MARCHF8: variants seen among roughly 807,000 people sequenced by gnomAD.
MARCHF8 encodes E3 ubiquitin-protein ligase MARCHF8.
A neutral mutation model predicts 51.6 loss-of-function variants in MARCHF8; 40 were observed. The ratio of observed to expected loss-of-function variants is 0.77; its 90% CI spans 0.60 to 1.01. The LOEUF (loss-of-function observed/expected upper bound fraction) is 1.01, where lower values mean the gene tolerates loss of function less well. Among genes scored for constraint, MARCHF8 ranks in the 50% least tolerant of loss-of-function variants. MARCHF8 has a pLI of 0.00. For missense variants in MARCHF8, 685 were observed against 708.6 expected (o/e 0.97, Z 0.38); for synonymous variants, 263 against 280.3 (o/e 0.94, Z 0.62).
chr10:45,476,389 C>A (rs1047794670), intron 3 of MARCHF8, among the ~76,000 whole-genome samples: 8 of 152,038 alleles, frequency 5.3e-5, no homozygotes, highest in Non-Finnish European at 1.0e-4. Context: ...CATAGTGAGA[C>A]CTCGTCTCTA....
chr10:45,522,789 G>A (rs1458081134), intron 2 of MARCHF8, among the ~76,000 whole-genome samples: 4 of 152,018 alleles, frequency 2.6e-5, no homozygotes, highest in East Asian at 1.9e-4. Flanking sequence ...ACACAAATTC[G>A]GCATTAGGAT....
intron 1 of MARCHF8, among the ~76,000 whole-genome samples, chr10:45,588,708 T>A (rs1040008393): frequency 1.1e-4 from 16 of 151,906 alleles, no homozygotes; most frequent in African/African-American, 3.4e-4. Flanking sequence ...AATAAAAGAA[T>A]CCATTATAGG....
At chr10:45,516,173 T>C (rs2043614426) in intron 2 of MARCHF8, among the ~76,000 whole-genome samples, 1 of 152,214 alleles carries the variant, frequency 6.6e-6, no homozygotes, top group South Asian at 2.1e-4. Flanking sequence ...ATGTTCTCTT[T>C]TGCCCTGCGT....
chr10:45,522,284 G>A (rs1455580016), intron 2 of MARCHF8, among the ~76,000 whole-genome samples: 2 of 152,184 alleles, frequency 1.3e-5, no homozygotes, highest in Non-Finnish European at 2.9e-5. Flanking sequence ...GGGCCACTGA[G>A]GCCTGAAGGA....
intron 1 of MARCHF8, among the ~76,000 whole-genome samples, chr10:45,562,931 T>C (rs763066731): frequency 1.1e-4 from 17 of 151,928 alleles, no homozygotes; most frequent in Non-Finnish European, 2.1e-4. Context: ...ACTGTGCAGG[T>C]TGACTTATAT....
rs78489328 is a variant in MARCHF8, at chr10:45,566,223, T to C, written c.-79+28012A>G. 3.1e-3 allele frequency among the ~76,000 whole-genome samples: 472 copies of C among 152,318 alleles called. 3 individuals carry two copies. Among genetic ancestry groups the C allele is most frequent in the Non-Finnish European group, 5.4e-3 (366 of 68,026 alleles). ...ATACAGGTAAGCAATGTGAAGTAAG[T>C]ACATCATGAAGAATAGGGTATCCAT... is the stretch of plus-strand genomic sequence containing the variant. On this transcript the variant is annotated intron_variant, in intron 1 of 6. Transcript: ENST00000319836.
rs76112318 is a variant in MARCHF8 at position 45,533,511 on chromosome 10, C to T, written c.-78-222G>A. 9.0e-3 allele frequency among the ~76,000 whole-genome samples: 1,374 copies of T among 152,196 alleles called. 18 individuals carry two copies. Among genetic ancestry groups the T allele is most frequent in the Non-Finnish European group, 0.011 (754 of 68,020 alleles). Reference sequence around the variant, plus strand: ...GCACCTGAAAGAGGCAGGTGGATCACGTACATGTATAATCAGAGATATAAT... The same window carrying T: ...GCACCTGAAAGAGGCAGGTGGATCATGTACATGTATAATCAGAGATATAAT... On this transcript the variant is annotated intron_variant, in intron 1 of 7. Transcript: ENST00000453424.
At position 45,568,896 on chromosome 10, in the gene MARCHF8, GTC is replaced by G. The variant is rs1409179423; in HGVS notation, c.-79+25337_-79+25338del. On this transcript the variant is annotated intron_variant, in intron 1 of 6. Transcript: ENST00000319836. ...ATCTTGGCTAACACGGTAAAACCCT[GTC>G]TCTACTAAAAATACAAAAAAGCCGG... Among the ~76,000 whole-genome samples, 4 of 151,100 alleles carry G rather than the reference GTC, an allele frequency of 2.6e-5. No homozygotes were observed. The East Asian group carries it at 7.8e-4, about 30-fold the overall frequency.
chr10:45,463,718 T>A lies in MARCHF8; in HGVS notation c.521A>T (p.Tyr174Phe). The change falls in exon 5 of 8, where the codon TAT becomes TTT. Residue 174 changes from tyrosine to phenylalanine, a missense_variant. Coordinates refer to ENST00000453424, the MANE Select transcript of MARCHF8 (RefSeq NM_001282866.2). ...CCCTTCAGAACAAGTTCTTTCCACA[T>A]AGGCAAAACTTTCTGAAGTATCCTG... The part of the protein sequence containing the change: ...KAQDTSESFA[Y>F]VERTCSEGKL... 6.4e-7 allele frequency: 1 copy of A among 1,551,146 alleles called. No homozygotes were observed. The highest frequency in any genetic ancestry group is 2.0e-5 in the Admixed American group (1 of 51,016).
At chr10:45,464,454 C>T in intron 3 of MARCHF8, 127 bp from the exon 4 acceptor site, 1 of 734,786 alleles carries the variant, frequency 1.4e-6, no homozygotes, top group Non-Finnish European at 2.4e-6. Context: ...ACGAGTAACA[C>T]ATATTAGATC....
upstream of MARCHF8, among the ~76,000 whole-genome samples, chr10:45,537,806 T>G (rs2043994915): frequency 1.3e-5 from 2 of 152,052 alleles, no homozygotes; most frequent in African/African-American, 4.8e-5. Context: ...GGGGTAGGAA[T>G]GGGTAAACGG....
intron 5 of MARCHF8, among the ~76,000 whole-genome samples, chr10:45,462,785 C>T (rs897432789): frequency 9.9e-5 from 15 of 152,116 alleles, no homozygotes; most frequent in African/African-American, 3.1e-4. Context: ...GCCACCACGC[C>T]CGGCTAATTT....
At chr10:45,512,696 G>A (rs2043548348) in intron 2 of MARCHF8, among the ~76,000 whole-genome samples, 1 of 152,068 alleles carries the variant, frequency 6.6e-6, no homozygotes, top group Non-Finnish European at 1.5e-5. Context: ...GAGCCCCTCT[G>A]CCCGGCCACC....
At chr10:45,541,337 A>T (rs916072809) in intron 1 of MARCHF8, among the ~76,000 whole-genome samples, 1 of 151,838 alleles carries the variant, frequency 6.6e-6, no homozygotes, top group African/African-American at 2.4e-5. Flanking sequence ...ACCAAACACC[A>T]CATGTTCTCA....
intron 1 of MARCHF8, among the ~76,000 whole-genome samples, chr10:45,576,849 C>A (rs560694113): frequency 1.7e-4 from 25 of 150,850 alleles, no homozygotes; most frequent in Non-Finnish European, 3.4e-4. Flanking sequence ...CCCAGCTACG[C>A]ACGAAGCTAA....
intron 3 of MARCHF8, among the ~76,000 whole-genome samples, chr10:45,483,928 A>C (rs892122321): frequency 5.3e-5 from 8 of 152,206 alleles, no homozygotes. Context: ...GGGGATAAAG[A>C]GAGATTGGTT....
chr10:45,498,113 T>G lies in MARCHF8; in HGVS notation c.103-8696A>C, dbSNP rs527702565. Among the ~76,000 whole-genome samples the G allele has an allele frequency of 2.6e-5, 4 of 152,314 alleles. No homozygotes were observed. The South Asian group carries it at 8.3e-4, about 32-fold the overall frequency. On this transcript the variant is annotated intron_variant, in intron 2 of 7. Coordinates refer to ENST00000453424, the MANE Select transcript of MARCHF8 (RefSeq NM_001282866.2). ...ATTCTATCTGCTTTCACCATTTCTT[T>G]TTAACATTTTAATTGTGGCAAAATA...
chr10:45,563,360 A>C (rs1036901228), intron 1 of MARCHF8, among the ~76,000 whole-genome samples: 1 of 152,244 alleles, frequency 6.6e-6, no homozygotes, highest in Admixed American at 6.5e-5. Context: ...CTGCTGGGTC[A>C]ACAGCATGAT....
rs2044509531 is a variant in MARCHF8, at chr10:45,578,030, T to C, written c.-79+16205A>G. On this transcript the variant is annotated intron_variant, in intron 1 of 6. Coordinates refer to the MARCHF8 transcript ENST00000319836. ...GAGTGAGACCCTGTCTCTAAAAAAATTGTTTAATAAAAAATTAAAATATGG... is the reference window on the plus strand; with the variant it reads ...GAGTGAGACCCTGTCTCTAAAAAAACTGTTTAATAAAAAATTAAAATATGG... Among the ~76,000 whole-genome samples, 3 of 152,230 alleles carry C rather than the reference T, an allele frequency of 2.0e-5. No homozygotes were observed. The South Asian group carries it at 6.2e-4, about 32-fold the overall frequency.
Sources: gnomAD v4.1 joint callset for allele counts (sites outside exome capture counted in the v4.1 genomes callset) on GRCh38, gnomAD v4.1.1 for gene constraint, MANE v1.5 for transcripts, NCBI Gene and HGNC (gene_info 2026-07-23, HGNC 2026-07-21) for gene names.